NDE1: variants seen among roughly 807,000 people sequenced by gnomAD.
NDE1 encodes the protein nudE neurodevelopment protein 1.
NDE1 carries 28 observed loss-of-function variants against 43.4 expected under a neutral mutation model. The ratio of observed to expected loss-of-function variants is 0.65; its 90% CI spans 0.48 to 0.89. The LOEUF (loss-of-function observed/expected upper bound fraction) is 0.89, where lower values mean the gene tolerates loss of function less well. Ranked by LOEUF, NDE1 falls within the 40% of genes least tolerant of loss-of-function variation. The pLI is 0.00. For synonymous variants in NDE1, 184 were observed against 172.0 expected (o/e 1.07, Z -0.55); for missense variants, 441 against 434.1 (o/e 1.02, Z -0.14).
chr16:15,677,971 A>G, intron 4 of NDE1, 22 bp downstream of exon 4: 2 of 1,613,756 alleles, frequency 1.2e-6, no homozygotes, highest in East Asian at 2.2e-5. Flanking sequence ...AGGGAAAAGC[A>G]CGAGTGGGAG....
chr16:15,691,787 C>T (rs8047940), intron 6 of NDE1, among the ~76,000 whole-genome samples: 30,162 of 151,358 alleles, frequency 0.2, 3,779 homozygotes, highest in Middle Eastern at 0.35. Context: ...ACTAAAGGCA[C>T]CTGGCTAACT....
chr16:15,696,180 A>T (rs1007034797), intron 7 of NDE1, among the ~76,000 whole-genome samples: 35 of 149,106 alleles, frequency 2.3e-4, no homozygotes, highest in African/African-American at 8.7e-4. Flanking sequence ...ATTTTAAAAA[A>T]TTTTTCGTAA....
chr16:15,667,675 A>G (rs1484651814), intron 3 of NDE1, among the ~76,000 whole-genome samples: 2 of 123,966 alleles, frequency 1.6e-5, no homozygotes, highest in Non-Finnish European at 3.2e-5. Flanking sequence ...CTTGTTGCCC[A>G]GGCTGGAGGG....
intron 8 of NDE1, 38 bp downstream of exon 8, chr16:15,696,898 A>C (rs777574715): frequency 3.7e-6 from 6 of 1,604,436 alleles, no homozygotes; most frequent in Non-Finnish European, 5.1e-6. Flanking sequence ...TGGCGGGGAG[A>C]ACCCGCCTGC....
rs745652456 is a variant in NDE1 at position 15,717,106 on chromosome 16, T to C, written c.948-7085T>C. ...TGACTCCTGCTGTCCATCACCCCCC[T>C]GCAAACTGGGTTCGGAACTCCACAC... On this transcript the variant is annotated intron_variant, in intron 8 of 8. Transcript: ENST00000396354. 2.4e-5 allele frequency: 38 copies of C among 1,610,660 alleles called. No individual in the cohort carries two copies. The East Asian group carries it at 7.4e-4, about 31-fold the overall frequency.
intron 8 of NDE1, among the ~76,000 whole-genome samples, chr16:15,705,708 A>G (rs887970299): frequency 1.3e-5 from 2 of 152,108 alleles, no homozygotes; most frequent in African/African-American, 2.4e-5. Flanking sequence ...TCGGCTGGGC[A>G]TGGTGGCTCA....
At chr16:15,702,450 G>A (rs2039251295) in intron 8 of NDE1, among the ~76,000 whole-genome samples, 2 of 152,104 alleles carry the variant, frequency 1.3e-5, no homozygotes, top group Admixed American at 1.3e-4. Flanking sequence ...CAGTGCAGTG[G>A]CGTGATCATA....
chr16:15,725,223 C>T lies in NDE1; in HGVS notation c.*972C>T. ...GTCACCTATGAGTTGGGACCCTGGCCCTAGACTCTGTGGTTCTAAGAACTT... is the reference window on the plus strand; with the variant it reads ...GTCACCTATGAGTTGGGACCCTGGCTCTAGACTCTGTGGTTCTAAGAACTT... On this transcript the variant is annotated 3_prime_UTR_variant, in exon 9 of 9. Transcript: ENST00000396354. 1.6e-6 allele frequency: 1 copy of T among 607,684 alleles called. No individual in the cohort carries two copies. The allele number at this position is 607,684 out of a possible 1,614,324, so 37.6% of individuals were successfully genotyped here.
intron 4 of NDE1, among the ~76,000 whole-genome samples, chr16:15,678,387 A>T (rs2151071825): frequency 6.6e-6 from 1 of 151,746 alleles, no homozygotes; most frequent in African/African-American, 2.4e-5. Flanking sequence ...TTTTTTTTGG[A>T]GACGGAGAGT....
At chr16:15,723,961 G>C (rs955307180) in intron 8 of NDE1, among the ~76,000 whole-genome samples, 1 of 152,178 alleles carries the variant, frequency 6.6e-6, no homozygotes, top group Admixed American at 6.5e-5. Context: ...AGTCATCAAG[G>C]CTTCTTTGCC....
chr16:15,671,083 A>C (rs189216400), intron 3 of NDE1, among the ~76,000 whole-genome samples: 16 of 152,196 alleles, frequency 1.1e-4, no homozygotes, highest in Non-Finnish European at 2.1e-4. Flanking sequence ...TAAGGCTGAA[A>C]GAATTTCCAG....
intron 4 of NDE1, among the ~76,000 whole-genome samples, chr16:15,681,253 CTTTTTTTTTTTTTTTTTT>C (rs71134448): frequency 1.9e-4 from 6 of 31,434 alleles, no homozygotes; most frequent in East Asian, 8.3e-4. Flanking sequence ...TAAACACTGC[CTTTTTTTTTTTTTTTTTT>C]TTTTTTTTTT....
rs957694175 is a variant in NDE1, at chr16:15,697,166, C to T, written c.947+306C>T. 9 of 661,524 alleles carry T rather than the reference C, an allele frequency of 1.4e-5. No individual in the cohort carries two copies. The African/African-American group carries it at 1.8e-4, about 13-fold the overall frequency. 41.0% of individuals were successfully genotyped at this position (661,524 alleles called of 1,614,324 possible). ...CAAACGATCCTCCCACCTCAGTCCC[C>T]CGAGTAGCTGGGAGTACAGGTGCGT... is the stretch of plus-strand genomic sequence containing the variant. On this transcript the variant is annotated intron_variant, in intron 8 of 8. Coordinates refer to ENST00000396354, the MANE Select transcript of NDE1 (RefSeq NM_017668.3).
rs200223639 is a variant in NDE1, at chr16:15,721,057, G to A, written c.948-3134G>A. On this transcript the variant is annotated intron_variant, in intron 8 of 8. Coordinates refer to ENST00000396354, the MANE Select transcript of NDE1 (RefSeq NM_017668.3). ...GACTTCTCCAGCTCATGGACCTGCCGGCAGAGCGGGCAGCCCCATTCTATG... is the reference window on the plus strand; with the variant it reads ...GACTTCTCCAGCTCATGGACCTGCCAGCAGAGCGGGCAGCCCCATTCTATG... 5.5e-5 allele frequency: 88 copies of A among 1,613,474 alleles called. No homozygotes were observed. The highest frequency in any genetic ancestry group is 1.1e-4 in the East Asian group (5 of 44,854).
At chr16:15,678,245 A>C (rs1307613117) in intron 4 of NDE1, among the ~76,000 whole-genome samples, 1 of 152,192 alleles carries the variant, frequency 6.6e-6, no homozygotes, top group African/African-American at 2.4e-5. Context: ...AATGCTATTT[A>C]GGCTAAGACC....
At chr16:15,704,964 C>G (rs1206770439) in intron 8 of NDE1, among the ~76,000 whole-genome samples, 1 of 152,140 alleles carries the variant, frequency 6.6e-6, no homozygotes, top group Non-Finnish European at 1.5e-5. Context: ...CAGGCGTGGG[C>G]CACCACACCT....
intron 8 of NDE1, among the ~76,000 whole-genome samples, chr16:15,705,305 C>T (rs1437753171): frequency 2.0e-5 from 3 of 152,116 alleles, no homozygotes; most frequent in Admixed American, 6.6e-5. Flanking sequence ...TTAGCTCCAG[C>T]CAGTAGGACA....
chr16:15,718,861 C>T, intron 8 of NDE1: 1 of 410,924 alleles, frequency 2.4e-6, no homozygotes, highest in Non-Finnish European at 4.6e-6. Flanking sequence ...GGCACGGTGG[C>T]TCACACCTGT....
intron 8 of NDE1, among the ~76,000 whole-genome samples, chr16:15,715,728 G>T (rs2040091974): frequency 6.6e-6 from 1 of 152,114 alleles, no homozygotes; most frequent in South Asian, 2.1e-4. Context: ...GTTCACTGCA[G>T]CCTTGAACTC....
Sources: gnomAD v4.1 joint callset for allele counts (sites outside exome capture counted in the v4.1 genomes callset) on GRCh38, gnomAD v4.1.1 for gene constraint, MANE v1.5 for transcripts, NCBI Gene and HGNC (gene_info 2026-07-23, HGNC 2026-07-21) for gene names.